The following PDGFC variants were observed in gnomAD, a reference collection of about 807,000 sequenced individuals.
The protein encoded by PDGFC is platelet-derived growth factor C.
In PDGFC, 12 loss-of-function variants were observed where a neutral mutation model predicts 35.5. The observed-to-expected ratio is 0.34, with a 90% CI of 0.22 to 0.55. The LOEUF (loss-of-function observed/expected upper bound fraction) is 0.55. PDGFC is among the 20% of genes least tolerant of loss of function. The pLI is 0.91. For synonymous variants in PDGFC, 159 were observed against 148.8 expected, an observed-to-expected ratio of 1.07 and a Z score of -0.50; for missense variants, 322 against 412.4, an observed-to-expected ratio of 0.78 and a Z score of 1.90.
At chr4:156,863,743 A>T (rs1467349913) in intron 1 of PDGFC, among the ~76,000 whole-genome samples, 1 of 152,096 alleles carries the variant, frequency 6.6e-6, no homozygotes, top group Admixed American at 6.6e-5. Context: ...CCCGAATTTG[A>T]TACTCTTAAA....
chr4:156,908,153 G>GA (rs1260347792), intron 1 of PDGFC, among the ~76,000 whole-genome samples: 1 of 151,982 alleles, frequency 6.6e-6, no homozygotes, highest in Admixed American at 6.6e-5. Context: ...GCGACAGAGT[G>GA]AGACTCCATT....
In PDGFC at chr4:156,905,371, T is replaced by C. The variant is rs1730890751; in HGVS notation, c.119-54955A>G. ...AAAAAAAGCCTCATAGTGACCATAA[T>C]ATCACTTTTGTATTATATGTGCCAA... On this transcript the variant is annotated intron_variant, in intron 1 of 5. Transcript: ENST00000502773. 2.0e-5 allele frequency among the ~76,000 whole-genome samples: 3 copies of C among 152,230 alleles called. No homozygotes were observed. The South Asian group carries it at 6.2e-4, about 32-fold the overall frequency.
chr4:156,937,711 A>G (rs1420495084), intron 1 of PDGFC, among the ~76,000 whole-genome samples: 1 of 152,160 alleles, frequency 6.6e-6, no homozygotes, highest in Admixed American at 6.6e-5. Flanking sequence ...ATAAATAAAT[A>G]AGAAAGGCAT....
chr4:156,782,362 T>A (rs1354834089), intron 3 of PDGFC, among the ~76,000 whole-genome samples: 1 of 152,160 alleles, frequency 6.6e-6, no homozygotes, highest in African/African-American at 2.4e-5. Context: ...GGATTTCAAC[T>A]CTGAGGCCCA....
At chr4:156,828,514 C>T (rs371710005) in intron 2 of PDGFC, among the ~76,000 whole-genome samples, 114 of 152,274 alleles carry the variant, frequency 7.5e-4, no homozygotes, top group African/African-American at 2.7e-3. Flanking sequence ...ACAAGAATGA[C>T]TCAAAGAGCT....
At chr4:156,769,816 T>C (rs986407001) in intron 4 of PDGFC, among the ~76,000 whole-genome samples, 2 of 152,024 alleles carry the variant, frequency 1.3e-5, no homozygotes, top group African/African-American at 2.4e-5. Flanking sequence ...GTTAAAACTA[T>C]ATATGAGCTT....
At chr4:156,870,971 G>A (rs978536820) in intron 1 of PDGFC, among the ~76,000 whole-genome samples, 48 of 152,092 alleles carry the variant, frequency 3.2e-4, no homozygotes, top group Non-Finnish European at 5.0e-4. Flanking sequence ...ATGCTGAGTG[G>A]TTCAAAACAC....
At position 156,810,871 on chromosome 4, in the gene PDGFC, G is replaced by A. The variant is rs780089507; in HGVS notation, c.461C>T (p.Pro154Leu). 1 of 1,607,532 alleles carries A rather than the reference G, an allele frequency of 6.2e-7. No individual in the cohort carries two copies. Among genetic ancestry groups the A allele is most frequent in the Admixed American group, 1.7e-5 (1 of 59,612 alleles). ...FVSDEYFPSE[P>L]GFCIHYNIVM... ...AATGTTGTAGTGGATGCAGAACCCT[G>A]GTTCAGAAGGAAAATATTCATCAGA... is the stretch of plus-strand genomic sequence containing the variant. The change falls in exon 3 of 6, where the codon CCA (proline) becomes CTA (leucine). Residue 154 changes from proline to leucine, a missense_variant. Pro to Leu is a moderately conservative substitution (Grantham distance 98). Transcript: ENST00000502773.
chr4:156,846,505 A>G lies in PDGFC; in HGVS notation c.314+3716T>C, dbSNP rs1297891627. Among the ~76,000 whole-genome samples the G allele has an allele frequency of 2.6e-5, 4 of 151,914 alleles. No homozygotes were observed. The East Asian group carries it at 5.8e-4, about 22-fold the overall frequency. On this transcript the variant is annotated intron_variant, in intron 2 of 5. Coordinates refer to ENST00000502773, the MANE Select transcript of PDGFC (RefSeq NM_016205.3). ...CTGACCAATGTCATGAAAGGTAAGA[A>G]AAGACAAGAAGACTCTTCCAGACTA...
chr4:156,916,228 CAGTT>C (rs1246174092), intron 1 of PDGFC, among the ~76,000 whole-genome samples: 1 of 152,190 alleles, frequency 6.6e-6, no homozygotes, highest in East Asian at 1.9e-4. Context: ...TACAGTCTAA[CAGTT>C]AGACCCTGTT....
chr4:156,942,225 C>T (rs936840535), intron 1 of PDGFC, among the ~76,000 whole-genome samples: 21 of 152,010 alleles, frequency 1.4e-4, no homozygotes, highest in Non-Finnish European at 5.9e-5. Context: ...CTCACAGGCG[C>T]TCCAGAAGGC....
At chr4:156,864,843 T>C (rs557113940) in intron 1 of PDGFC, among the ~76,000 whole-genome samples, 2 of 152,286 alleles carry the variant, frequency 1.3e-5, no homozygotes, top group East Asian at 3.9e-4. Flanking sequence ...AAACTAGCCT[T>C]CAAAATTCCT....
intron 1 of PDGFC, among the ~76,000 whole-genome samples, chr4:156,869,204 C>A (rs151071207): frequency 6.6e-6 from 1 of 151,936 alleles, no homozygotes; most frequent in Admixed American, 6.6e-5. Flanking sequence ...GAGGCAGAGG[C>A]GGGCGGATCA....
At chr4:156,887,536 A>T (rs1194206478) in intron 1 of PDGFC, among the ~76,000 whole-genome samples, 3 of 152,238 alleles carry the variant, frequency 2.0e-5, no homozygotes, top group Non-Finnish European at 4.4e-5. Context: ...TCCAAAAAAG[A>T]AATCAATCAT....
In PDGFC at chr4:156,971,447, A is replaced by C; in HGVS notation, c.-544T>G. The C allele has an allele frequency of 3.8e-6, 1 of 264,368 alleles. No individual in the cohort carries two copies. The allele number at this position is 264,368 out of a possible 1,614,324, so 16.4% of individuals were successfully genotyped here. On this transcript the variant is annotated 5_prime_UTR_variant, in exon 1 of 6. Coordinates refer to ENST00000502773, the MANE Select transcript of PDGFC (RefSeq NM_016205.3). ...CCCCGAAGGGGGAGGGGGAAGAAAC[A>C]AGGCGAGGGCGCCGCGGCGGGTCCC...
At chr4:156,897,561 T>C (rs542344916) in intron 1 of PDGFC, among the ~76,000 whole-genome samples, 3 of 152,312 alleles carry the variant, frequency 2.0e-5, no homozygotes, top group Admixed American at 2.0e-4. Context: ...TGCAAAATTA[T>C]ATATATTTTT....
chr4:156,848,056 A>T (rs1177189575), intron 2 of PDGFC, among the ~76,000 whole-genome samples: 1 of 151,904 alleles, frequency 6.6e-6, no homozygotes, highest in Non-Finnish European at 1.5e-5. Context: ...CAGATAAATA[A>T]AGAAAAATTA....
intron 1 of PDGFC, among the ~76,000 whole-genome samples, chr4:156,959,235 G>T (rs572078951): frequency 2.8e-4 from 42 of 152,050 alleles, no homozygotes; most frequent in African/African-American, 9.6e-4. Flanking sequence ...AGCAATAATG[G>T]ATTTCCACGC....
rs189316660 is a variant in PDGFC at position 156,902,006 on chromosome 4, T to G, written c.119-51590A>C. Among the ~76,000 whole-genome samples the G allele has an allele frequency of 2.5e-3, 383 of 152,274 alleles. 1 individual carries two copies. The highest frequency in any genetic ancestry group is 9.0e-3 in the African/African-American group (372 of 41,564). On this transcript the variant is annotated intron_variant, in intron 1 of 5. Coordinates refer to ENST00000502773, the MANE Select transcript of PDGFC (RefSeq NM_016205.3). ...GGAAGTAGGACAGAGAAATCTGACA[T>G]TCAGAGGAGCAGGATGGGTTGGGTT... is the stretch of plus-strand genomic sequence containing the variant.
Sources: gnomAD v4.1 joint callset for allele counts (sites outside exome capture counted in the v4.1 genomes callset) on GRCh38, gnomAD v4.1.1 for gene constraint, MANE v1.5 for transcripts, NCBI Gene and HGNC (gene_info 2026-07-23, HGNC 2026-07-21) for gene names.